The following ST6GALNAC4 variants were observed in gnomAD, a reference collection of about 807,000 sequenced individuals.
ST6GALNAC4 encodes alpha-N-acetyl-neuraminyl-2,3-beta-galactosyl-1,3-N-acetyl-galactosaminide alpha-2,6-sialyltransferase.
ST6GALNAC4 carries 24 observed loss-of-function variants against 30.4 expected under a neutral mutation model. The observed-to-expected ratio is 0.79, with a 90% CI of 0.57 to 1.11. The LOEUF (loss-of-function observed/expected upper bound fraction) is 1.11, where lower values mean the gene tolerates loss of function less well. Among genes scored for constraint, ST6GALNAC4 ranks in the 50% most tolerant of loss-of-function variants. The probability of loss-of-function intolerance (pLI) is 0.00; values close to 1 mark genes in which losing one functional copy is unlikely to be tolerated. For synonymous variants in ST6GALNAC4, 156 were observed against 179.7 expected (o/e 0.87, Z 1.05); for missense variants, 365 against 430.1 (o/e 0.85, Z 1.34).
chr9:127,914,320 G>T (rs1421866113), intron 3 of ST6GALNAC4, among the ~76,000 whole-genome samples: 2 of 149,890 alleles, frequency 1.3e-5, no homozygotes, highest in African/African-American at 4.9e-5. Flanking sequence ...CTTGAACCTG[G>T]GAGGCAGAGG....
rs1232341168 is a variant in ST6GALNAC4, at chr9:127,909,874, C to T, written c.719+77G>A. On this transcript the variant is annotated intron_variant, in intron 5 of 5. Coordinates refer to ENST00000335791, the MANE Select transcript of ST6GALNAC4 (RefSeq NM_175039.4). Reference sequence around the variant, plus strand: ...ACACTCCCTCTGCCCCCACAGCTCCCAAATCCTCTGGTTTAAGGCCTAGGA... The same window carrying T: ...ACACTCCCTCTGCCCCCACAGCTCCTAAATCCTCTGGTTTAAGGCCTAGGA... 14 of 1,434,546 alleles carry T rather than the reference C, an allele frequency of 9.8e-6. No individual in the cohort carries two copies. The South Asian group carries it at 1.5e-4, about 15-fold the overall frequency. 88.9% of individuals were successfully genotyped at this position (1,434,546 alleles called of 1,614,324 possible).
Position 127,912,279 on chromosome 9 carries a change from C to G in ST6GALNAC4, c.600G>C (p.Thr200=), listed in dbSNP as rs765180618. The part of the protein sequence containing the change: ...AYCDQIFQDE[T]GKNRRQSGSF... ...GGCCCCAGGCTCACCGGTTCTTGCC[C>G]GTCTCGTCCTGGAAGATCTGGTCGC... Residue 200 remains threonine (T), a synonymous_variant, in exon 4 of 6, where the codon ACG becomes ACC. Transcript: ENST00000335791. 6.2e-7 allele frequency: 1 copy of G among 1,607,970 alleles called. No homozygotes were observed. Among genetic ancestry groups the G allele is most frequent in the Non-Finnish European group, 8.5e-7 (1 of 1,176,044 alleles).
In ST6GALNAC4 at chr9:127,908,423, A is replaced by G; in HGVS notation, c.878T>C (p.Val293Ala). ...FSRWAKKRPI[V>A]FAHPSWRTE ...AGTCCTCCAGGACGGATGGGCGAAC[A>G]CGATGGGCCTCTTCTTGGCCCAGCG... is the stretch of plus-strand genomic sequence containing the variant. Residue 293 changes from valine (V) to alanine (A), a missense_variant, in exon 6 of 6, where the codon GTG (valine) becomes GCG (alanine). By Grantham distance (64) the Val-to-Ala change is moderately conservative. Coordinates refer to ENST00000335791, the MANE Select transcript of ST6GALNAC4 (RefSeq NM_175039.4). 6.3e-7 allele frequency: 1 copy of G among 1,583,828 alleles called. No individual in the cohort carries two copies. Among genetic ancestry groups the G allele is most frequent in the Non-Finnish European group, 8.6e-7 (1 of 1,157,860 alleles).
Position 127,908,087 on chromosome 9 carries a change from G to A in ST6GALNAC4, c.*305C>T. The A allele has an allele frequency of 5.4e-6, 1 of 184,550 alleles. No individual in the cohort carries two copies. The highest frequency in any genetic ancestry group is 1.3e-4 in the East Asian group (1 of 7,934). 11.4% of individuals were successfully genotyped at this position (184,550 alleles called of 1,614,324 possible). A position where few individuals can be genotyped will look rare whatever the true frequency, so the allele number is the denominator to read the frequency against. ...CAAGGTCATGATGCTGGTGAGTTGG[G>A]GGCCATCAGCCCCAGGGACAAAGGC... is the stretch of plus-strand genomic sequence containing the variant. On this transcript the variant is annotated 3_prime_UTR_variant, in exon 6 of 6. Coordinates refer to ENST00000335791, the MANE Select transcript of ST6GALNAC4 (RefSeq NM_175039.4).
intron 4 of ST6GALNAC4, chr9:127,910,593 G>A (rs762020313): frequency 4.3e-5 from 43 of 991,240 alleles, no homozygotes; most frequent in African/African-American, 5.2e-5. Context: ...GCCCCTGCCC[G>A]CATGCCCCCA....
chr9:127,916,626 C>T (rs1831200755), intron 1 of ST6GALNAC4, 132 bp from the exon 2 acceptor site: 3 of 613,324 alleles, frequency 4.9e-6, no homozygotes, highest in South Asian at 3.8e-5. Context: ...AACCCCTTGA[C>T]GTCTCCAAAC....
At chr9:127,916,368 G>C in intron 2 of ST6GALNAC4, 40 bp downstream of exon 2, 2 of 1,613,990 alleles carry the variant, frequency 1.2e-6, no homozygotes, top group Non-Finnish European at 1.7e-6. Flanking sequence ...GCCAGTCGGG[G>C]CCTCTGCGTT....
At chr9:127,914,432 TC>T (rs1359628231) in intron 3 of ST6GALNAC4, among the ~76,000 whole-genome samples, 1 of 118,242 alleles carries the variant, frequency 8.5e-6, no homozygotes, top group Non-Finnish European at 1.6e-5. Flanking sequence ...AATCTAGGGC[TC>T]AGAGCCGAGA....
chr9:127,914,439 C>T lies in ST6GALNAC4; in HGVS notation c.198+217G>A, dbSNP rs533071368. Among the ~76,000 whole-genome samples the T allele has an allele frequency of 6.3e-5, 8 of 127,840 alleles. No homozygotes were observed. The East Asian group carries it at 9.3e-4, about 15-fold the overall frequency. 83.9% of individuals were successfully genotyped at this position (127,840 alleles called of 152,430 possible). Reference sequence around the variant, plus strand: ...CTTTTTAGAATCTAGGGCTCAGAGCCGAGATCGCGCCACTGCACTCTAGCC... The same window carrying T: ...CTTTTTAGAATCTAGGGCTCAGAGCTGAGATCGCGCCACTGCACTCTAGCC... On this transcript the variant is annotated intron_variant, in intron 3 of 5. Coordinates refer to ENST00000335791, the MANE Select transcript of ST6GALNAC4 (RefSeq NM_175039.4).
At position 127,916,387 on chromosome 9, in the gene ST6GALNAC4, GTCC is replaced by G. The variant is rs1339984072; in HGVS notation, c.12+18_12+20del. The stretch of plus-strand genomic sequence containing the variant: ...GTCGGGGCCTCTGCGTTCCCTGGAA[GTCC>G]TCCTTCTTCCCACTTACCGGAGCCT... On this transcript the variant is annotated intron_variant, in intron 2 of 5. Coordinates refer to ENST00000335791, the MANE Select transcript of ST6GALNAC4 (RefSeq NM_175039.4). 2.5e-6 allele frequency: 4 copies of G among 1,614,046 alleles called. No individual in the cohort carries two copies. Among genetic ancestry groups the G allele is most frequent in the Non-Finnish European group, 3.4e-6 (4 of 1,180,044 alleles).
In ST6GALNAC4 at chr9:127,912,525, G is replaced by A; in HGVS notation, c.354C>T (p.Arg118=). ...TVGFEADVGQ[R]STLRVVSHTS... ...TGTGTGAGACGACACGCAGGGTGCT[G>A]CGCTGGCCCACATCCGCCTCAAAGC... is the stretch of plus-strand genomic sequence containing the variant. Residue 118 remains arginine (R), a synonymous_variant, in exon 4 of 6, where the codon CGC becomes CGT. Coordinates refer to ENST00000335791, the MANE Select transcript of ST6GALNAC4 (RefSeq NM_175039.4). 1.2e-6 allele frequency: 2 copies of A among 1,613,818 alleles called. No homozygotes were observed. The highest frequency in any genetic ancestry group is 8.5e-7 in the Non-Finnish European group (1 of 1,179,940).
chr9:127,913,649 C>A (rs941880638), intron 3 of ST6GALNAC4, among the ~76,000 whole-genome samples: 11 of 151,906 alleles, frequency 7.2e-5, no homozygotes, highest in Non-Finnish European at 1.5e-4. Context: ...CAACATCTGG[C>A]CGGGCACGGT....
intron 4 of ST6GALNAC4, 119 bp from the exon 5 acceptor site, chr9:127,910,177 G>A (rs1425281458): frequency 5.5e-6 from 8 of 1,462,434 alleles, no homozygotes; most frequent in East Asian, 2.5e-5. Flanking sequence ...CTCTTGCGGG[G>A]GGCTCTGGGG....
intron 1 of ST6GALNAC4, 92 bp downstream of exon 1, chr9:127,916,734 A>G (rs925533975): frequency 2.0e-6 from 1 of 510,936 alleles, no homozygotes; most frequent in East Asian, 3.4e-5. Context: ...GGGGAGGAAG[A>G]GGCAGCGAGG....
At chr9:127,909,780 A>C (rs988560212) in intron 5 of ST6GALNAC4, among the ~76,000 whole-genome samples, 171 bp downstream of exon 5, 4 of 152,258 alleles carry the variant, frequency 2.6e-5, no homozygotes, top group South Asian at 2.1e-4. Context: ...AGCCTGTTTG[A>C]CACTGAGCTC....
chr9:127,909,922 C>G, intron 5 of ST6GALNAC4, 29 bp downstream of exon 5: 1 of 1,606,992 alleles, frequency 6.2e-7, no homozygotes, highest in South Asian at 1.1e-5. Context: ...CTCCCCGCGT[C>G]CCCGCGTGCC....
At chr9:127,915,987 G>C (rs1588678946) in intron 2 of ST6GALNAC4, 2 of 246,360 alleles carry the variant, frequency 8.1e-6, no homozygotes, top group East Asian at 1.8e-4. Flanking sequence ...AGGGGAGGGA[G>C]TTCTGCCTGG....
At chr9:127,908,607 G>T in intron 5 of ST6GALNAC4, 26 bp from the exon 6 acceptor site, 1 of 1,540,890 alleles carries the variant, frequency 6.5e-7, no homozygotes, top group Non-Finnish European at 8.8e-7. Flanking sequence ...CAGGGCTGGG[G>T]TGGGACAGAA....
intron 4 of ST6GALNAC4, 113 bp downstream of exon 4, chr9:127,912,155 C>A: frequency 7.3e-7 from 1 of 1,361,524 alleles, no homozygotes; most frequent in East Asian, 2.4e-5. Context: ...TGTCTGCCTC[C>A]ATGAGTGCTG....
Sources: allele counts gnomAD v4.1 joint callset (sites outside exome capture counted in the v4.1 genomes callset), GRCh38; gene constraint gnomAD v4.1.1; transcripts MANE v1.5; gene names NCBI Gene and HGNC (gene_info 2026-07-23, HGNC 2026-07-21).